CRTC1: variants seen among roughly 807,000 people sequenced by gnomAD.
CRTC1 encodes the protein CREB regulated transcription coactivator 1, also known as CREB-regulated transcription coactivator 1.
CRTC1 carries 18 observed loss-of-function variants against 66.1 expected under a neutral mutation model. The ratio of observed to expected loss-of-function variants is 0.27; its 90% CI spans 0.19 to 0.40. CRTC1 has a LOEUF of 0.40. Ranked by LOEUF, CRTC1 falls within the 10% of genes least tolerant of loss-of-function variation. CRTC1 has a pLI of 1.00. For synonymous variants in CRTC1, 416 were observed against 398.8 expected (o/e 1.04, Z -0.51); for missense variants, 669 against 887.9 (o/e 0.75, Z 3.13).
intron 1 of CRTC1, among the ~76,000 whole-genome samples, chr19:18,721,766 ATTATAGGCGTGAGCCATGCACCTGGCC>A (rs1266001326): frequency 1.3e-5 from 2 of 152,180 alleles, no homozygotes; most frequent in African/African-American, 4.8e-5. Flanking sequence ...AAGTGTTGGG[ATTATAGGCGTGAGCCATGCACCTGGCC>A]TCGACCTGCA....
intron 1 of CRTC1, among the ~76,000 whole-genome samples, chr19:18,736,177 C>T (rs879412479): frequency 4.6e-5 from 7 of 152,214 alleles, no homozygotes; most frequent in East Asian, 1.9e-4. Flanking sequence ...TCCCCGCCTG[C>T]GGCTGCTGGG....
intron 1 of CRTC1, among the ~76,000 whole-genome samples, chr19:18,740,349 G>A (rs986825697): frequency 6.6e-6 from 1 of 152,052 alleles, no homozygotes; most frequent in African/African-American, 2.4e-5. Flanking sequence ...TGAACAGTGC[G>A]TAATTCTCCC....
intron 1 of CRTC1, among the ~76,000 whole-genome samples, chr19:18,686,958 C>T (rs1227160665): frequency 6.6e-6 from 1 of 151,500 alleles, no homozygotes; most frequent in African/African-American, 2.4e-5. Context: ...CAGGATGGCC[C>T]CATCGTGTGG....
chr19:18,747,144 C>A, intron 4 of CRTC1, 30 bp downstream of exon 4: 1 of 1,136,198 alleles, frequency 8.8e-7, no homozygotes, highest in Non-Finnish European at 1.3e-6. Context: ...CCCCCCGCCC[C>A]CTTCTTGTTG....
At chr19:18,737,496 G>A (rs2054022988) in intron 1 of CRTC1, among the ~76,000 whole-genome samples, 1 of 152,084 alleles carries the variant, frequency 6.6e-6, no homozygotes, top group African/African-American at 2.4e-5. Flanking sequence ...GGCATGTGGG[G>A]CCTCAGTTTT....
At chr19:18,695,454 G>T (rs920593810) in intron 1 of CRTC1, among the ~76,000 whole-genome samples, 2 of 152,210 alleles carry the variant, frequency 1.3e-5, no homozygotes, top group African/African-American at 4.8e-5. Flanking sequence ...GGCTCACTTG[G>T]GGCCGATTCT....
At chr19:18,686,701 C>T (rs2052691663) in intron 1 of CRTC1, among the ~76,000 whole-genome samples, 1 of 152,134 alleles carries the variant, frequency 6.6e-6, no homozygotes, top group South Asian at 2.1e-4. Context: ...TTCTTTCAGC[C>T]CTGGAAACCA....
rs2054871448 is a variant in CRTC1 at position 18,771,628 on chromosome 19, GTCCTCATGCATCGC to G, written c.1425+94_1425+107del. The G allele has an allele frequency of 1.9e-6, 2 of 1,070,320 alleles. No individual in the cohort carries two copies. The highest frequency in any genetic ancestry group is 2.8e-6 in the Non-Finnish European group (2 of 712,072). 66.3% of individuals were successfully genotyped at this position (1,070,320 alleles called of 1,614,324 possible). ...CCCGTGTGTTCCCTGCCCACTGTCT[GTCCTCATGCATCGC>G]TCCTCATGCATGTCCTCATGCATCC... On this transcript the variant is annotated intron_variant, in intron 11 of 13. Transcript: ENST00000321949. The surrounding 1 kb of genome is among the most constrained non-coding windows in gnomAD (Gnocchi z 4.6).
chr19:18,692,017 C>T (rs1434156406), intron 1 of CRTC1, among the ~76,000 whole-genome samples: 1 of 152,030 alleles, frequency 6.6e-6, no homozygotes, highest in Non-Finnish European at 1.5e-5. Context: ...TCGGTCTTCC[C>T]CACCCCCACT....
chr19:18,759,996 G>A lies in CRTC1; in HGVS notation c.666-12G>A. 6.5e-7 allele frequency: 1 copy of A among 1,526,918 alleles called. No homozygotes were observed. The highest frequency in any genetic ancestry group is 8.9e-7 in the Non-Finnish European group (1 of 1,128,278). The allele number at this position is 1,526,918 out of a possible 1,614,324, so 94.6% of individuals were successfully genotyped here. ...TGAGCTCACCTCCTGCCTGCCTCTG[G>A]CCTTTTCCCAGCATCTTCCCGTCTG... On this transcript the variant is annotated splice_polypyrimidine_tract_variant and intron_variant, in intron 7 of 13. Transcript: ENST00000321949.
At position 18,760,221 on chromosome 19, in the gene CRTC1, C is replaced by T. The variant is rs758555812; in HGVS notation, c.879C>T (p.Ala293=). 25 of 1,599,406 alleles carry T rather than the reference C, an allele frequency of 1.6e-5. No homozygotes were observed. Among genetic ancestry groups the T allele is most frequent in the Non-Finnish European group, 2.0e-5 (23 of 1,173,976 alleles). The change falls in exon 8 of 14, where the codon GCC becomes GCT. Residue 293 remains alanine (A), a synonymous_variant. Transcript: ENST00000321949. This position sits in a 1 kb window ranked among gnomAD's most constrained non-coding sequence, Gnocchi z 6.2. ...ANLTHLGIGG[A]GQGMSTPGSS... ...TGACGCACCTGGGCATCGGTGGCGC[C>T]GGCCAGGGTAAGGCAGGGACACTCC...
chr19:18,744,177 G>A, intron 2 of CRTC1: 1 of 1,608,292 alleles, frequency 6.2e-7, no homozygotes, highest in Non-Finnish European at 8.5e-7. Flanking sequence ...CCCAGGCTGA[G>A]GCCGCGGCGT....
intron 7 of CRTC1, 51 bp downstream of exon 7, chr19:18,759,642 G>A (rs368469174): frequency 4.9e-5 from 77 of 1,577,826 alleles, no homozygotes; most frequent in Non-Finnish European, 6.0e-5. Flanking sequence ...GCGCTGCTCC[G>A]TCCACCCTGG....
intron 1 of CRTC1, among the ~76,000 whole-genome samples, chr19:18,713,993 G>C (rs2053449433): frequency 6.6e-6 from 1 of 152,196 alleles, no homozygotes; most frequent in South Asian, 2.1e-4. Flanking sequence ...CATGCCTCCT[G>C]TGGGCGGCCC....
intron 6 of CRTC1, among the ~76,000 whole-genome samples, chr19:18,756,072 G>A (rs2054477922): frequency 6.6e-6 from 1 of 152,012 alleles, no homozygotes; most frequent in Non-Finnish European, 1.5e-5. Context: ...AGTGGCTTAC[G>A]CCTGTAATCC....
chr19:18,772,877 A>AG (rs2054901629), intron 11 of CRTC1, among the ~76,000 whole-genome samples: 1 of 151,684 alleles, frequency 6.6e-6, no homozygotes, highest in Non-Finnish European at 1.5e-5. Context: ...ATGGGGCTGG[A>AG]GGGGCTGGAG....
intron 3 of CRTC1, among the ~76,000 whole-genome samples, chr19:18,746,726 C>G (rs1204204616): frequency 6.6e-6 from 1 of 152,160 alleles, no homozygotes; most frequent in East Asian, 1.9e-4. Context: ...CAGCTGAACT[C>G]AGACTCCACA....
At chr19:18,742,552 C>T (rs879588553) in intron 1 of CRTC1, among the ~76,000 whole-genome samples, 2 of 152,210 alleles carry the variant, frequency 1.3e-5, no homozygotes, top group Non-Finnish European at 2.9e-5. Context: ...AAATGGCTCC[C>T]CTGGGCTGGT....
At position 18,780,739 on chromosome 19, in the gene CRTC1, G is replaced by A. The variant is rs1354447450; in HGVS notation, c.*3357G>A. On this transcript the variant is annotated 3_prime_UTR_variant, in exon 14 of 14. Coordinates refer to ENST00000321949, the MANE Select transcript of CRTC1 (RefSeq NM_015321.3). ...AGATGGGGTCTTGCTGTGTTGCCCA[G>A]GCTGGTCTCGGACTCCTGGGCTCAA... The A allele has an allele frequency of 9.3e-6, 2 of 216,044 alleles. No homozygotes were observed. The highest frequency in any genetic ancestry group is 1.4e-4 in the East Asian group (2 of 14,676). 13.4% of individuals were successfully genotyped at this position (216,044 alleles called of 1,614,324 possible). A position where few individuals can be genotyped will look rare whatever the true frequency, so the allele number is the denominator to read the frequency against.
Sources: gnomAD v4.1 joint callset for allele counts (sites outside exome capture counted in the v4.1 genomes callset) on GRCh38, gnomAD v4.1.1 for gene constraint, Gnocchi (gnomAD v3.1) non-coding constraint, MANE v1.5 for transcripts, NCBI Gene and HGNC (gene_info 2026-07-23, HGNC 2026-07-21) for gene names.